IQGAP2: variants seen among roughly 807,000 people sequenced by gnomAD.
IQGAP2 encodes the protein ras GTPase-activating-like protein IQGAP2.
Under a neutral mutation model 201.3 loss-of-function variants are expected in IQGAP2, and 173 were observed. That is an observed-to-expected ratio of 0.86 (90% CI 0.76 to 0.98). IQGAP2 has a LOEUF of 0.98. Ranked by LOEUF, IQGAP2 falls within the 50% of genes least tolerant of loss-of-function variation. The pLI is 0.00. For synonymous variants in IQGAP2, 675 were observed against 673.9 expected (o/e 1.00, Z -0.03); for missense variants, 1,687 against 1,864.8 (o/e 0.90, Z 1.76).
chr5:76,496,789 CTT>C (rs1757009862), intron 2 of IQGAP2, among the ~76,000 whole-genome samples: 1 of 101,046 alleles, frequency 9.9e-6, no homozygotes, highest in Non-Finnish European at 2.0e-5. Flanking sequence ...TTCTTTCTTT[CTT>C]TCTCTTTCTT....
In IQGAP2 at chr5:76,657,913, C is replaced by T. The variant is rs3797436; in HGVS notation, c.2321-546C>T. Among the ~76,000 whole-genome samples, 785 of 152,260 alleles carry T rather than the reference C, an allele frequency of 5.2e-3. 22 individuals are homozygous for T. The East Asian group carries it at 0.087, about 17-fold the overall frequency. Reference sequence around the variant, plus strand: ...TTTTATTTCAGCTAAGTAGAACATTCGTTTTACTTATCATTCTGTTGGTTC... The same window carrying T: ...TTTTATTTCAGCTAAGTAGAACATTTGTTTTACTTATCATTCTGTTGGTTC... On this transcript the variant is annotated intron_variant, in intron 20 of 35. Coordinates refer to ENST00000274364, the MANE Select transcript of IQGAP2 (RefSeq NM_006633.5).
chr5:76,540,368 G>A (rs937178724), intron 2 of IQGAP2, among the ~76,000 whole-genome samples: 4 of 152,168 alleles, frequency 2.6e-5, no homozygotes, highest in African/African-American at 9.7e-5. Flanking sequence ...TTAATCTGGT[G>A]GCAGAGTATG....
chr5:76,573,142 T>G (rs1745230266), intron 4 of IQGAP2, among the ~76,000 whole-genome samples: 1 of 152,254 alleles, frequency 6.6e-6, no homozygotes, highest in Non-Finnish European at 1.5e-5. Context: ...AAAACGAATT[T>G]AAACAGAATT....
Position 76,648,569 on chromosome 5 carries a change from C to T in IQGAP2, c.2095-4181C>T, listed in dbSNP as rs867470154. Among the ~76,000 whole-genome samples the T allele has an allele frequency of 2.6e-5, 4 of 152,134 alleles. No individual in the cohort carries two copies. In the East Asian group the frequency reaches 7.7e-4, roughly 29 times the overall value. ...TTCCTAGGTGCCCACACAGAAATGA[C>T]GGATGTTAGAATTATCTGACAAGGA... On this transcript the variant is annotated intron_variant, in intron 17 of 35. Coordinates refer to ENST00000274364, the MANE Select transcript of IQGAP2 (RefSeq NM_006633.5).
intron 15 of IQGAP2, among the ~76,000 whole-genome samples, chr5:76,632,954 C>CT (rs1270009946): frequency 6.6e-6 from 1 of 152,150 alleles, no homozygotes; most frequent in Non-Finnish European, 1.5e-5. Context: ...TGACCACTCT[C>CT]TTACTTGGCA....
chr5:76,480,198 A>C (rs1755688847), intron 2 of IQGAP2, among the ~76,000 whole-genome samples: 1 of 152,116 alleles, frequency 6.6e-6, no homozygotes, highest in South Asian at 2.1e-4. Flanking sequence ...GATTAATGTC[A>C]GCCTGCTCAG....
At chr5:76,478,094 C>T (rs895100632) in intron 2 of IQGAP2, among the ~76,000 whole-genome samples, 5 of 152,024 alleles carry the variant, frequency 3.3e-5, no homozygotes, top group East Asian at 3.9e-4. Context: ...GATGGAGTTT[C>T]GCTCTTGTCA....
rs1561425867 is a variant in IQGAP2 at position 76,509,040 on chromosome 5, TG to T, written c.146+47372del. ...TTGGCTGTATATATATGTGTGTGTG[TG>T]TGTGTGTGTGTGTGTGTATGTATGT... On this transcript the variant is annotated intron_variant, in intron 2 of 35. Transcript: ENST00000274364. Among the ~76,000 whole-genome samples, 304 of 150,498 alleles carry T rather than the reference TG, an allele frequency of 2.0e-3. 1 individual carries two copies. The highest frequency in any genetic ancestry group is 6.9e-3 in the African/African-American group (283 of 41,108).
intron 1 of IQGAP2, among the ~76,000 whole-genome samples, chr5:76,414,036 G>A (rs1055547942): frequency 2.6e-5 from 4 of 152,196 alleles, no homozygotes; most frequent in African/African-American, 9.7e-5. Context: ...GCTCAGCTGA[G>A]AGGACTAACT....
intron 14 of IQGAP2, among the ~76,000 whole-genome samples, chr5:76,629,495 G>A (rs1456236245): frequency 6.6e-6 from 1 of 152,164 alleles, no homozygotes; most frequent in African/African-American, 2.4e-5. Flanking sequence ...CTTGCTTAAA[G>A]TAGATTTGCC....
At chr5:76,427,631 G>A (rs1390208554) in intron 1 of IQGAP2, among the ~76,000 whole-genome samples, 1 of 152,150 alleles carries the variant, frequency 6.6e-6, no homozygotes, top group Non-Finnish European at 1.5e-5. Context: ...ACTTGAATGC[G>A]CGTGTGTCAT....
At chr5:76,582,805 A>ACTG (rs55782141) in intron 5 of IQGAP2, among the ~76,000 whole-genome samples, 2 of 151,434 alleles carry the variant, frequency 1.3e-5, no homozygotes, top group Admixed American at 6.6e-5. Flanking sequence ...TACTACTACT[A>ACTG]TATACTACTT....
At chr5:76,668,646 AT>A (rs112970756) in intron 22 of IQGAP2, 34 bp from the exon 23 acceptor site, 4 of 1,563,424 alleles carry the variant, frequency 2.6e-6, no homozygotes, top group Non-Finnish European at 2.6e-6. Context: ...GTTTTGTGGG[AT>A]TTTTTTGTTT....
intron 10 of IQGAP2, among the ~76,000 whole-genome samples, chr5:76,599,486 C>T (rs907627222): frequency 3.3e-5 from 5 of 152,118 alleles, no homozygotes; most frequent in South Asian, 2.1e-4. Context: ...TAGGTATCCA[C>T]GGACAGGTCA....
chr5:76,562,384 TA>T lies in IQGAP2; in HGVS notation c.147-10del, dbSNP rs1561465313. ...TGGAATCACTTTAATATTTTTTTTT[TA>T]ATCTCTTTAGGTGGATGGAAGTTTG... On this transcript the variant is annotated splice_polypyrimidine_tract_variant and intron_variant, in intron 2 of 35. Coordinates refer to ENST00000274364, the MANE Select transcript of IQGAP2 (RefSeq NM_006633.5). The T allele has an allele frequency of 3.2e-6, 5 of 1,578,638 alleles. No individual in the cohort carries two copies. Among genetic ancestry groups the T allele is most frequent in the Non-Finnish European group, 4.3e-6 (5 of 1,163,962 alleles).
chr5:76,490,014 T>C (rs539007643), intron 2 of IQGAP2, among the ~76,000 whole-genome samples: 3 of 152,358 alleles, frequency 2.0e-5, no homozygotes, highest in Admixed American at 2.0e-4. Flanking sequence ...AGAGTTCTGT[T>C]GGCAGCTCAC....
intron 17 of IQGAP2, among the ~76,000 whole-genome samples, chr5:76,650,844 C>T (rs1001365546): frequency 6.6e-6 from 1 of 152,158 alleles, no homozygotes; most frequent in Non-Finnish European, 1.5e-5. Flanking sequence ...TCTAGCTGTT[C>T]CCCCTATTAG....
At chr5:76,623,260 G>A (rs200798548) in intron 13 of IQGAP2, 1,430 of 1,612,228 alleles carry the variant, frequency 8.9e-4, no homozygotes, top group South Asian at 1.1e-3. Context: ...TCTCTTAAAC[G>A]TTATGAAATC....
intron 2 of IQGAP2, among the ~76,000 whole-genome samples, chr5:76,482,180 C>A (rs1364197048): frequency 6.6e-6 from 1 of 152,150 alleles, no homozygotes. Flanking sequence ...TTACCTTTTC[C>A]CAGGGTGAGT....
Sources: allele counts gnomAD v4.1 joint callset (sites outside exome capture counted in the v4.1 genomes callset), GRCh38; gene constraint gnomAD v4.1.1; transcripts MANE v1.5; gene names NCBI Gene and HGNC (gene_info 2026-07-23, HGNC 2026-07-21).